Variants in BPTF observed in about 807,000 individuals in gnomAD.
BPTF encodes bromodomain PHD finger transcription factor.
In BPTF, 18 loss-of-function variants were observed where a neutral mutation model predicts 292.5. The ratio of observed to expected loss-of-function variants is 0.06; its 90% CI spans 0.04 to 0.09. The LOEUF (loss-of-function observed/expected upper bound fraction) is 0.09. Ranked by LOEUF, BPTF falls within the 10% of genes least tolerant of loss-of-function variation. The pLI is 1.00. For missense variants in BPTF, 2,726 were observed against 3,498.7 expected, an observed-to-expected ratio of 0.78 and a Z score of 5.57; for synonymous variants, 1,225 against 1,251.9, an observed-to-expected ratio of 0.98 and a Z score of 0.45.
intron 1 of BPTF, among the ~76,000 whole-genome samples, chr17:67,837,258 T>C (rs2057203527): frequency 6.6e-6 from 1 of 152,228 alleles, no homozygotes; most frequent in Non-Finnish European, 1.5e-5. Flanking sequence ...GCTAGAGATG[T>C]ACCTTTAGTC....
chr17:67,924,414 C>A, intron 14 of BPTF, 133 bp from the exon 15 acceptor site: 1 of 970,186 alleles, frequency 1.0e-6, no homozygotes, highest in Non-Finnish European at 1.5e-6. Context: ...CTCGCACAAC[C>A]AAATGTTTTA....
chr17:67,926,482 G>A (rs1171481527), intron 15 of BPTF, among the ~76,000 whole-genome samples: 15 of 151,390 alleles, frequency 9.9e-5, no homozygotes, highest in African/African-American at 3.6e-4. Flanking sequence ...CCGCCACCAC[G>A]CCTGGCTAAT....
At position 67,918,827 on chromosome 17, in the gene BPTF, C is replaced by G; in HGVS notation, c.5417C>G (p.Thr1806Ser). The G allele has an allele frequency of 6.2e-7, 1 of 1,613,282 alleles. No individual in the cohort carries two copies. Among genetic ancestry groups the G allele is most frequent in the African/African-American group, 1.3e-5 (1 of 74,954 alleles). ...GCCAAGGCTCCTCCAGGAGGAGGGA[C>G]TACACGGACAGGTAAGGGGGAAGGG... Reference protein sequence around the residue: ...MAAKAPPGGGTTRTETSETEI... With the variant: ...MAAKAPPGGGSTRTETSETEI... Residue 1806 changes from threonine (T) to serine (S), a missense_variant, in exon 12 of 28, where the codon ACT becomes AGT. This residue lies in a region of BPTF where 198 missense variants were observed against 277.1 expected (regional missense o/e 0.71). Coordinates refer to ENST00000306378, the MANE Select transcript of BPTF (RefSeq NM_182641.4).
chr17:67,896,624 T>C (rs767215698), intron 7 of BPTF, among the ~76,000 whole-genome samples: 23 of 152,274 alleles, frequency 1.5e-4, no homozygotes, highest in Non-Finnish European at 2.6e-4. Context: ...GTTACAGTAT[T>C]GTTTAGGGAT....
intron 4 of BPTF, among the ~76,000 whole-genome samples, chr17:67,885,914 C>A (rs759896905): frequency 5.9e-5 from 9 of 151,774 alleles, no homozygotes; most frequent in Non-Finnish European, 7.4e-5. Context: ...TCCTCACCCC[C>A]CCAAAAAAAG....
At chr17:67,882,912 G>A (rs943659104) in intron 4 of BPTF, among the ~76,000 whole-genome samples, 1 of 151,408 alleles carries the variant, frequency 6.6e-6, no homozygotes, top group African/African-American at 2.4e-5. Flanking sequence ...GTGGGAAGAT[G>A]GCTTGAGCCT....
At position 67,946,104 on chromosome 17, in the gene BPTF, C is replaced by A. The variant is rs1345154405; in HGVS notation, c.7396C>A (p.Gln2466Lys). The change falls in exon 21 of 28, where the codon CAA becomes AAA. Residue 2466 changes from glutamine to lysine, a missense_variant. Physicochemically the swap from Gln to Lys is moderately conservative, Grantham distance 53. Transcript: ENST00000306378. The stretch of plus-strand genomic sequence containing the variant: ...GGCTCAGCAAAGTGGTGTGCCCCAG[C>A]AAATCAAACTCCAGTTACCTATCCA... ...IQAQQSGVPQQIKLQLPIQIQ... is the reference protein window; with the variant it reads ...IQAQQSGVPQKIKLQLPIQIQ... The A allele has an allele frequency of 5.0e-6, 8 of 1,614,044 alleles. No homozygotes were observed. Among genetic ancestry groups the A allele is most frequent in the Non-Finnish European group, 6.8e-6 (8 of 1,180,036 alleles).
intron 1 of BPTF, among the ~76,000 whole-genome samples, chr17:67,827,809 G>A (rs1483378757): frequency 6.6e-6 from 1 of 152,122 alleles, no homozygotes; most frequent in East Asian, 1.9e-4. Context: ...GGTCAGAATC[G>A]TTGCCAGTCT....
chr17:67,858,300 A>G (rs2058841219), intron 2 of BPTF, among the ~76,000 whole-genome samples: 2 of 152,240 alleles, frequency 1.3e-5, no homozygotes, highest in Admixed American at 1.3e-4. Flanking sequence ...ACATCTGGTC[A>G]TGGTATTCAT....
At position 67,911,492 on chromosome 17, in the gene BPTF, C is replaced by A; in HGVS notation, c.3608C>A (p.Pro1203His). Residue 1203 changes from proline to histidine, a missense_variant, in exon 11 of 28, where the codon CCC becomes CAC. By Grantham distance (77) the Pro-to-His change is moderately conservative. Transcript: ENST00000306378. ...GACCTTGCCAGTAGAGGCCAGGAAC[C>A]CAGTAAGAGTAAAACAAAAGGAAAT... ...VSDLASRGQE[P>H]SKSKTKGNDF... 1 of 1,613,682 alleles carries A rather than the reference C, an allele frequency of 6.2e-7. No homozygotes were observed. Among genetic ancestry groups the A allele is most frequent in the Non-Finnish European group, 8.5e-7 (1 of 1,179,930 alleles).
At chr17:67,963,189 A>G (rs1485091707) in intron 24 of BPTF, 2 of 998,336 alleles carry the variant, frequency 2.0e-6, no homozygotes, top group Non-Finnish European at 2.8e-6. Context: ...CCAGGAGTAG[A>G]ATGGTTGGAT....
intron 7 of BPTF, among the ~76,000 whole-genome samples, chr17:67,902,741 G>A (rs2061931100): frequency 6.6e-6 from 1 of 152,104 alleles, no homozygotes; most frequent in African/African-American, 2.4e-5. Context: ...TTTGTGGGGG[G>A]AAAGGAGATA....
chr17:67,897,089 A>G (rs528894245), intron 7 of BPTF, among the ~76,000 whole-genome samples: 1 of 152,084 alleles, frequency 6.6e-6, no homozygotes, highest in Non-Finnish European at 1.5e-5. Context: ...GCACTTTGGG[A>G]GGCCAAGGTG....
intron 1 of BPTF, among the ~76,000 whole-genome samples, chr17:67,831,338 A>C (rs1048151002): frequency 2.0e-5 from 3 of 152,196 alleles, no homozygotes; most frequent in African/African-American, 7.2e-5. Context: ...ATCTGTTTTC[A>C]GTTATCAGCA....
rs2062757704 is a variant in BPTF at position 67,913,180 on chromosome 17, A to T, written c.5296A>T (p.Thr1766Ser). 6 of 1,592,732 alleles carry T rather than the reference A, an allele frequency of 3.8e-6. No homozygotes were observed. Among genetic ancestry groups the T allele is most frequent in the Non-Finnish European group, 4.3e-6 (5 of 1,172,370 alleles). ...TTCTCCTAGACCGACCTTTGGCATC[A>T]CTTGGAGGTATGTACTTTAAAATGT... ...YPSPRPTFGI[T>S]WRYRLQTVKS... The change falls in exon 11 of 28, where the codon ACT becomes TCT. Residue 1766 changes from threonine to serine, a missense_variant. Transcript: ENST00000306378.
chr17:67,892,932 A>G (rs543660135), intron 5 of BPTF, among the ~76,000 whole-genome samples: 1 of 152,206 alleles, frequency 6.6e-6, no homozygotes, highest in East Asian at 1.9e-4. Flanking sequence ...GGGGTCTTAC[A>G]CTGTAGCTGG....
chr17:67,969,146 A>T (rs1014582875), intron 26 of BPTF, among the ~76,000 whole-genome samples: 2 of 150,976 alleles, frequency 1.3e-5, no homozygotes, highest in Admixed American at 6.6e-5. Context: ...TCCAAAAAAA[A>T]TTTTTTTGAA....
At chr17:67,837,396 C>T (rs189638114) in intron 1 of BPTF, among the ~76,000 whole-genome samples, 2 of 151,518 alleles carry the variant, frequency 1.3e-5, no homozygotes, top group South Asian at 2.1e-4. Flanking sequence ...CTTCCCTAGT[C>T]TGTGCTTATG....
At chr17:67,877,084 A>G (rs550609367) in intron 4 of BPTF, among the ~76,000 whole-genome samples, 2 of 152,276 alleles carry the variant, frequency 1.3e-5, no homozygotes, top group Non-Finnish European at 2.9e-5. Context: ...TTTATTAAAT[A>G]TATCATACCA....
Sources: allele counts gnomAD v4.1 joint callset (sites outside exome capture counted in the v4.1 genomes callset), GRCh38; gene constraint gnomAD v4.1.1; regional missense constraint gnomAD v4.1.1; transcripts MANE v1.5; gene names NCBI Gene and HGNC (gene_info 2026-07-23, HGNC 2026-07-21).